ADK: variants seen among roughly 807,000 people sequenced by gnomAD.
The protein encoded by ADK is N6,N6-dimethyladenosine kinase.
In ADK, 24 loss-of-function variants were observed where a neutral mutation model predicts 44.7. The ratio of observed to expected loss-of-function variants is 0.54; its 90% confidence interval spans 0.39 to 0.76. ADK has a LOEUF of 0.76. Ranked by LOEUF, ADK falls within the 30% of genes least tolerant of loss-of-function variation. The pLI, the probability that ADK is intolerant of heterozygous loss-of-function variation, is 0.00. For synonymous variants in ADK, 128 were observed against 142.6 expected (o/e 0.90, Z 0.73); for missense variants, 321 against 425.1 (o/e 0.76, Z 2.15).
At chr10:74,263,317 T>G (rs1846108576) in intron 3 of ADK, among the ~76,000 whole-genome samples, 1 of 152,214 alleles carries the variant, frequency 6.6e-6, no homozygotes, top group East Asian at 1.9e-4. Flanking sequence ...ACAAATTTGA[T>G]TTCATTGTAC....
chr10:74,455,412 C>T (rs1422175352), intron 6 of ADK, among the ~76,000 whole-genome samples: 1 of 152,170 alleles, frequency 6.6e-6, no homozygotes, highest in Non-Finnish European at 1.5e-5. Flanking sequence ...AGGAGGATCA[C>T]AATTGATCCT....
intron 7 of ADK, among the ~76,000 whole-genome samples, chr10:74,539,994 C>T (rs1271208371): frequency 6.6e-6 from 1 of 152,192 alleles, no homozygotes; most frequent in Non-Finnish European, 1.5e-5. Context: ...CATCTCTCTT[C>T]CTTTCTACAT....
chr10:74,501,260 A>C (rs1847875582), intron 6 of ADK, among the ~76,000 whole-genome samples: 2 of 152,222 alleles, frequency 1.3e-5, no homozygotes, highest in African/African-American at 2.4e-5. Context: ...TTATGATAAA[A>C]TATGGCCAAA....
intron 6 of ADK, among the ~76,000 whole-genome samples, chr10:74,516,111 A>C (rs1848562896): frequency 6.6e-6 from 1 of 152,198 alleles, no homozygotes; most frequent in Non-Finnish European, 1.5e-5. Flanking sequence ...GTGCGTCTGC[A>C]TGAATTCCTG....
intron 3 of ADK, among the ~76,000 whole-genome samples, chr10:74,264,512 G>GT (rs1200360568): frequency 9.2e-5 from 14 of 151,828 alleles, no homozygotes; most frequent in Non-Finnish European, 1.3e-4. Flanking sequence ...ATTTGCATGA[G>GT]TTTTTTTTGT....
chr10:74,343,639 G>T (rs925051496), intron 4 of ADK, among the ~76,000 whole-genome samples: 2 of 152,036 alleles, frequency 1.3e-5, no homozygotes, highest in Admixed American at 6.6e-5. Context: ...ACGGAGTTTC[G>T]CTCTTGTTGC....
intron 9 of ADK, among the ~76,000 whole-genome samples, chr10:74,639,812 G>T (rs1455801199): frequency 1.3e-5 from 2 of 151,874 alleles, no homozygotes; most frequent in African/African-American, 4.8e-5. Context: ...CTCCAGCCTG[G>T]GTGACAGAGC....
At chr10:74,343,176 G>A (rs181500373) in intron 4 of ADK, among the ~76,000 whole-genome samples, 15 of 151,716 alleles carry the variant, frequency 9.9e-5, no homozygotes, top group Non-Finnish European at 8.8e-5. Flanking sequence ...TTTTTTTAGC[G>A]TTTTTATCTT....
chr10:74,445,165 C>T (rs1184019113), intron 6 of ADK, among the ~76,000 whole-genome samples: 1 of 151,888 alleles, frequency 6.6e-6, no homozygotes, highest in African/African-American at 2.4e-5. Context: ...TCGCCCTATT[C>T]TCAAACAAAA....
At chr10:74,477,685 C>G (rs1846909576) in intron 6 of ADK, among the ~76,000 whole-genome samples, 1 of 152,030 alleles carries the variant, frequency 6.6e-6, no homozygotes, top group Admixed American at 6.6e-5. Context: ...TCTTTCTTAC[C>G]CTCATAGTCT....
intron 6 of ADK, among the ~76,000 whole-genome samples, chr10:74,445,606 A>G (rs1845564885): frequency 6.6e-6 from 1 of 152,014 alleles, no homozygotes. Flanking sequence ...TAGTATATTT[A>G]CACCTGCTTG....
chr10:74,218,935 C>T (rs931647041), intron 2 of ADK, among the ~76,000 whole-genome samples: 4 of 152,084 alleles, frequency 2.6e-5, no homozygotes, highest in Non-Finnish European at 5.9e-5. Context: ...TAAAGACCAT[C>T]AAGACTAGGA....
At chr10:74,540,164 T>A (rs923703515) in intron 7 of ADK, among the ~76,000 whole-genome samples, 3 of 152,056 alleles carry the variant, frequency 2.0e-5, no homozygotes, top group South Asian at 2.1e-4. Flanking sequence ...TTAAAAAAAA[T>A]TATTAGAAAA....
chr10:74,637,086 A>G (rs1436982181), intron 9 of ADK, among the ~76,000 whole-genome samples: 1 of 152,228 alleles, frequency 6.6e-6, no homozygotes. Context: ...AAGTGACTAG[A>G]AGGATAATGA....
intron 6 of ADK, among the ~76,000 whole-genome samples, chr10:74,407,224 G>A (rs1230455085): frequency 1.3e-5 from 2 of 152,112 alleles, no homozygotes; most frequent in Non-Finnish European, 2.9e-5. Flanking sequence ...CCAAATTGCT[G>A]GGATTGCAGG....
chr10:74,200,151 C>A (rs1843317953), intron 1 of ADK, among the ~76,000 whole-genome samples: 1 of 144,788 alleles, frequency 6.9e-6, no homozygotes, highest in South Asian at 2.2e-4. Flanking sequence ...ACCTTGACAC[C>A]ATCTGTTTTT....
chr10:74,295,154 C>G (rs1046746766), intron 3 of ADK, among the ~76,000 whole-genome samples: 1 of 151,870 alleles, frequency 6.6e-6, no homozygotes, highest in African/African-American at 2.4e-5. Flanking sequence ...CCACGTCCGG[C>G]CTGTTTAAGA....
At chr10:74,516,578 C>A in intron 6 of ADK, 1 of 151,814 alleles carries the variant, frequency 6.6e-6, no homozygotes, top group Non-Finnish European at 1.5e-5. Context: ...GGCTGGAGTG[C>A]AATGGTGTGA....
At chr10:74,481,632 T>G (rs1847077342) in intron 6 of ADK, among the ~76,000 whole-genome samples, 1 of 152,246 alleles carries the variant, frequency 6.6e-6, no homozygotes, top group East Asian at 1.9e-4. Context: ...TGCTTATAAT[T>G]GATGTGTGTT....
Sources: gnomAD v4.1 joint callset for allele counts (sites outside exome capture counted in the v4.1 genomes callset) on GRCh38, gnomAD v4.1.1 for gene constraint, MANE v1.5 for transcripts, NCBI Gene and HGNC (gene_info 2026-07-23, HGNC 2026-07-21) for gene names.